The following WDR90 variants were observed in gnomAD, a reference collection of about 807,000 sequenced individuals.
WDR90 encodes WD repeat domain 90.
Under a neutral mutation model 195.2 loss-of-function variants are expected in WDR90, and 238 were observed. The observed-to-expected ratio is 1.22, with a 90% CI of 1.10 to 1.36. The LOEUF (loss-of-function observed/expected upper bound fraction) is 1.36, where lower values mean the gene tolerates loss of function less well. Ranked by LOEUF, WDR90 falls within the 40% of genes most tolerant of loss-of-function variation. The pLI is 0.00. For synonymous variants in WDR90, 1,265 were observed against 1,052.4 expected (o/e 1.20, Z -3.91); for missense variants, 2,734 against 2,439.5 (o/e 1.12, Z -2.54).
In WDR90 at chr16:660,038, C is replaced by T. The variant is rs1169542794; in HGVS notation, c.3185-20C>T. 2.0e-6 allele frequency: 3 copies of T among 1,527,962 alleles called. No individual in the cohort carries two copies. Among genetic ancestry groups the T allele is most frequent in the East Asian group, 2.4e-5 (1 of 40,884 alleles). The allele number at this position is 1,527,962 out of a possible 1,614,324, so 94.7% of individuals were successfully genotyped here. A position where few individuals can be genotyped will look rare whatever the true frequency, so the allele number is the denominator to read the frequency against. ...GCTCAGGGCAGTGTAATGCCACAAG[C>T]TCTGCCTCCTCCCTGCCAGGCGCCA... On this transcript the variant is annotated intron_variant, in intron 26 of 40. Coordinates refer to ENST00000293879, the MANE Select transcript of WDR90 (RefSeq NM_145294.5).
Position 649,840 on chromosome 16 carries a change from G to A in WDR90, c.88G>A (p.Val30Met), listed in dbSNP as rs370357595. The A allele has an allele frequency of 5.4e-5, 86 of 1,581,964 alleles. No individual in the cohort carries two copies. The highest frequency in any genetic ancestry group is 7.0e-5 in the Non-Finnish European group (82 of 1,164,394). The change falls in exon 2 of 41, where the codon GTG (valine) becomes ATG (methionine). Residue 30 changes from valine (V) to methionine (M), a missense_variant. Transcript: ENST00000293879. ...GAAGCGCTCCGCCAAGCAGGGGGAC[G>A]TGGCCGTGGTCACGGTAGGCGGCCG... is the stretch of plus-strand genomic sequence containing the variant. ...EWKRSAKQGD[V>M]AVVTDKTLKG...
At chr16:666,418 G>T (rs749694940) in intron 37 of WDR90, 37 bp from the exon 38 acceptor site, 1 of 1,608,700 alleles carries the variant, frequency 6.2e-7, no homozygotes, top group Non-Finnish European at 8.5e-7. Flanking sequence ...CATCTTGGCA[G>T]AAGGCACCTG....
chr16:661,958 C>G lies in WDR90; in HGVS notation c.3932C>G (p.Pro1311Arg), dbSNP rs199535557. The G allele has an allele frequency of 1.4e-4, 231 of 1,607,300 alleles. 1 individual carries two copies. The South Asian group carries it at 1.7e-3, about 12-fold the overall frequency. ...GELTSLCYGA[P>R]PLLYCGTSSG... is the part of the protein sequence containing the mutation. The stretch of plus-strand genomic sequence containing the variant: ...CTGACCTCGCTCTGCTACGGGGCAC[C>G]TCCCCTGCTCTATTGTGGCACCAGC... The change falls in exon 32 of 41, where the codon CCT becomes CGT. Residue 1311 changes from proline to arginine, a missense_variant. Pro to Arg is a moderately radical substitution (Grantham distance 103). Coordinates refer to ENST00000293879, the MANE Select transcript of WDR90 (RefSeq NM_145294.5).
intron 39 of WDR90, 48 bp downstream of exon 39, chr16:666,840 T>G (rs2151408924): frequency 6.2e-7 from 1 of 1,612,250 alleles, no homozygotes; most frequent in Non-Finnish European, 8.5e-7. Flanking sequence ...GGATCCAGGG[T>G]GGTGGGTGGG....
upstream of WDR90, chr16:649,320 A>C: frequency 7.8e-7 from 1 of 1,288,588 alleles, no homozygotes. Flanking sequence ...TAATGGCGGA[A>C]GTGGCACCGT....
Position 661,466 on chromosome 16 carries a change from CCTT to C in WDR90, c.3641_3643del (p.Phe1214del). On this transcript the variant is annotated inframe_deletion, in exon 30 of 41. Coordinates refer to ENST00000293879, the MANE Select transcript of WDR90 (RefSeq NM_145294.5). ...CATAGCACCACCGTGCTGGCCCTGG[CCTT>C]CTCACCAGATGACAGGCTTCTTGTC... 1.2e-6 allele frequency: 2 copies of C among 1,610,738 alleles called. No homozygotes were observed. Among genetic ancestry groups the C allele is most frequent in the Non-Finnish European group, 1.7e-6 (2 of 1,178,650 alleles).
In WDR90 at chr16:666,786, G is replaced by A; in HGVS notation, c.4998G>A (p.Gln1666=). ...YKEVIIYNLC[Q]KQVVEKIPLP... ...AGGTGATCATCTACAACCTCTGCCAGAAGCAGGTACACGCAGCTGCCCGCG... is the reference window on the plus strand; with the variant it reads ...AGGTGATCATCTACAACCTCTGCCAAAAGCAGGTACACGCAGCTGCCCGCG... Residue 1666 remains glutamine, a synonymous_variant, in exon 39 of 41, where the codon CAG becomes CAA. Coordinates refer to ENST00000293879, the MANE Select transcript of WDR90 (RefSeq NM_145294.5). The A allele has an allele frequency of 6.2e-7, 1 of 1,612,788 alleles. No individual in the cohort carries two copies. Among genetic ancestry groups the A allele is most frequent in the Non-Finnish European group, 8.5e-7 (1 of 1,179,900 alleles).
In WDR90 at chr16:667,794, T is replaced by C. The variant is rs914487763; in HGVS notation, c.*205T>C. ...GCCCTTTTGCCTAAGAAATCTTTAA[T>C]GTTTCTATCTTGTAATAAACATGGG... On this transcript the variant is annotated 3_prime_UTR_variant, in exon 41 of 41. Transcript: ENST00000293879. 11 of 709,820 alleles carry C rather than the reference T, an allele frequency of 1.5e-5. No homozygotes were observed. The African/African-American group carries it at 1.6e-4, about 10-fold the overall frequency. The allele number at this position is 709,820 out of a possible 1,614,324, so 44.0% of individuals were successfully genotyped here. A position where few individuals can be genotyped will look rare whatever the true frequency, so the allele number is the denominator to read the frequency against.
At chr16:650,482 CT>C (rs2037622148) in intron 4 of WDR90, 56 bp from the exon 5 acceptor site, 2 of 1,587,500 alleles carry the variant, frequency 1.3e-6, no homozygotes, top group African/African-American at 2.7e-5. Flanking sequence ...GCTCACAGTT[CT>C]GGGAGTCGCG....
chr16:662,981 A>G, intron 34 of WDR90, 137 bp downstream of exon 34: 3 of 1,346,774 alleles, frequency 2.2e-6, no homozygotes, highest in Middle Eastern at 1.8e-4. Flanking sequence ...TGGGGTTCCC[A>G]GCGGGGAAGT....
In WDR90 at chr16:659,412, C is replaced by T. The variant is rs758829723; in HGVS notation, c.3184+36C>T. ...GGGGTCCTGGAGGAGTGGGGGGATT[C>T]GGGGGTCTGAGAGGGCACAGGCCCA... On this transcript the variant is annotated intron_variant, in intron 26 of 40. Coordinates refer to ENST00000293879, the MANE Select transcript of WDR90 (RefSeq NM_145294.5). The T allele has an allele frequency of 1.6e-5, 26 of 1,578,448 alleles. No homozygotes were observed. The Admixed American group carries it at 1.7e-4, about 10-fold the overall frequency.
intron 10 of WDR90, among the ~76,000 whole-genome samples, chr16:652,986 C>G (rs1297026202): frequency 6.6e-6 from 1 of 152,212 alleles, no homozygotes; most frequent in Non-Finnish European, 1.5e-5. Flanking sequence ...CCTTGTCAGG[C>G]CCTGCTGGGT....
In WDR90 at chr16:651,967, G is replaced by A. The variant is rs749149127; in HGVS notation, c.981G>A (p.Thr327=). 1.3e-5 allele frequency: 21 copies of A among 1,607,138 alleles called. No homozygotes were observed. The East Asian group carries it at 2.9e-4, about 22-fold the overall frequency. The change falls in exon 9 of 41, where the codon ACG becomes ACA. Residue 327 remains threonine, a synonymous_variant. Transcript: ENST00000293879. The part of the protein sequence containing the change: ...WAQLEASDIH[T]AAAGTHVLTH... ...AGCTGGAGGCCTCTGACATCCACAC[G>A]GCTGCTGCCGGCACCCACGTGTTGA... is the stretch of plus-strand genomic sequence containing the variant.
At chr16:656,269 C>T in intron 17 of WDR90, 33 bp from the exon 18 acceptor site, 1 of 1,576,778 alleles carries the variant, frequency 6.3e-7, no homozygotes, top group South Asian at 1.1e-5. Flanking sequence ...CCCGGGGTGG[C>T]CCTGGAGGCC....
intron 17 of WDR90, 194 bp from the exon 18 acceptor site, chr16:656,108 T>G: frequency 1.3e-6 from 1 of 753,564 alleles, no homozygotes; most frequent in South Asian, 1.8e-5. Context: ...GTGGGTAGTG[T>G]GTGAAGCCCC....
At chr16:656,189 T>C in intron 17 of WDR90, 113 bp from the exon 18 acceptor site, 2 of 1,045,812 alleles carry the variant, frequency 1.9e-6, no homozygotes, top group Non-Finnish European at 2.8e-6. Context: ...GTGTGGAGCC[T>C]GGGACTTTGA....
At position 658,296 on chromosome 16, in the gene WDR90, C is replaced by T; in HGVS notation, c.2718C>T (p.Ser906=). ...GCCACCTGCTGGTGTCCACCTCGTC[C>T]AACAGAGTCGTGGTGCTGGATGCTG... is the stretch of plus-strand genomic sequence containing the variant. The part of the protein sequence containing the change: ...ALGHLLVSTS[S]NRVVVLDAVS... Residue 906 remains serine (S), a synonymous_variant, in exon 22 of 41, where the codon TCC becomes TCT. Transcript: ENST00000293879. 1 of 1,612,636 alleles carries T rather than the reference C, an allele frequency of 6.2e-7. No homozygotes were observed. The highest frequency in any genetic ancestry group is 8.5e-7 in the Non-Finnish European group (1 of 1,179,882).
intron 5 of WDR90, 106 bp downstream of exon 5, chr16:650,815 T>C: frequency 6.6e-7 from 1 of 1,514,926 alleles, no homozygotes; most frequent in Non-Finnish European, 9.0e-7. Context: ...CGAGCTGTGC[T>C]GTCTCTGAGC....
rs530269746 is a variant in WDR90 at position 656,315 on chromosome 16, C to T, written c.1980C>T (p.Pro660=). Residue 660 remains proline (P), a synonymous_variant, in exon 18 of 41, where the codon CCC becomes CCT. Transcript: ENST00000293879. ...SVLLEAEHEG[P]VSSVCVSPDG... ...CCCCACCCACAGAGCACGAGGGCCC[C>T]GTCAGCTCAGTCTGTGTCAGCCCCG... 2.1e-5 allele frequency: 34 copies of T among 1,608,410 alleles called. No individual in the cohort carries two copies. Among genetic ancestry groups the T allele is most frequent in the Admixed American group, 1.0e-4 (6 of 59,970 alleles).
Sources: gnomAD v4.1 joint callset for allele counts (sites outside exome capture counted in the v4.1 genomes callset) on GRCh38, gnomAD v4.1.1 for gene constraint, MANE v1.5 for transcripts, NCBI Gene and HGNC (gene_info 2026-07-23, HGNC 2026-07-21) for gene names.